Variants in MTIF2 observed in about 807,000 individuals in gnomAD.
MTIF2 encodes the protein mitochondrial translational initiation factor 2.
MTIF2 carries 71 observed loss-of-function variants against 83.5 expected under a neutral mutation model. That is an observed-to-expected ratio of 0.85 (90% CI 0.70 to 1.04). The LOEUF (loss-of-function observed/expected upper bound fraction) is 1.04. Among genes scored for constraint, MTIF2 ranks in the 50% least tolerant of loss-of-function variants. The probability of loss-of-function intolerance (pLI) is 0.00; values close to 1 mark genes in which losing one functional copy is unlikely to be tolerated. For missense variants in MTIF2, 957 were observed against 846.5 expected, an observed-to-expected ratio of 1.13 and a Z score of -1.62; for synonymous variants, 319 against 287.1, an observed-to-expected ratio of 1.11 and a Z score of -1.12.
intron 10 of MTIF2, among the ~76,000 whole-genome samples, chr2:55,245,195 C>T (rs767878966): frequency 6.6e-6 from 1 of 152,078 alleles, no homozygotes; most frequent in Non-Finnish European, 1.5e-5. Context: ...TGATTCCACT[C>T]ATATGAAGTA....
chr2:55,237,465 A>G (rs1675933012), intron 14 of MTIF2, 37 bp from the exon 15 acceptor site: 7 of 1,545,618 alleles, frequency 4.5e-6, no homozygotes, highest in Non-Finnish European at 6.1e-6. Context: ...GCAGAAAACT[A>G]AAGATTCTGA....
intron 8 of MTIF2, 122 bp downstream of exon 8, chr2:55,252,355 G>T (rs1381918661): frequency 1.2e-6 from 1 of 814,240 alleles, no homozygotes. Context: ...TTATCTTTGA[G>T]GCTTATCTGT....
At chr2:55,251,915 C>G (rs180993629) in intron 8 of MTIF2, among the ~76,000 whole-genome samples, 1 of 152,174 alleles carries the variant, frequency 6.6e-6, no homozygotes, top group Non-Finnish European at 1.5e-5. Context: ...TGTGAGCCCC[C>G]ACTCCCAGCC....
At chr2:55,268,356 G>C (rs1678591386) in intron 2 of MTIF2, among the ~76,000 whole-genome samples, 2 of 152,148 alleles carry the variant, frequency 1.3e-5, no homozygotes, top group Admixed American at 6.5e-5. Context: ...TTGTGCCCCT[G>C]GACCAAGAAG....
At chr2:55,242,093 G>C (rs1676359177) in intron 13 of MTIF2, among the ~76,000 whole-genome samples, 1 of 149,030 alleles carries the variant, frequency 6.7e-6, no homozygotes, top group East Asian at 2.0e-4. Flanking sequence ...AGTGAGCCGA[G>C]ACCGTGCCAC....
chr2:55,257,210 T>C (rs1409584843), intron 5 of MTIF2, among the ~76,000 whole-genome samples: 1 of 152,178 alleles, frequency 6.6e-6, no homozygotes, highest in Non-Finnish European at 1.5e-5. Flanking sequence ...CCGGGTGCGG[T>C]GGCTCACACC....
intron 13 of MTIF2, 69 bp downstream of exon 13, chr2:55,242,869 CAA>C (rs1358510277): frequency 6.7e-6 from 10 of 1,493,236 alleles, no homozygotes; most frequent in Non-Finnish European, 9.0e-6. Context: ...AGCCAAGCAA[CAA>C]AAGACAGAAG....
At chr2:55,249,681 G>A (rs1676953794) in intron 8 of MTIF2, 147 bp from the exon 9 acceptor site, 1 of 797,004 alleles carries the variant, frequency 1.3e-6, no homozygotes, top group African/African-American at 1.7e-5. Flanking sequence ...ACCCACTTTA[G>A]AGTCACATCA....
intron 15 of MTIF2, 38 bp downstream of exon 15, chr2:55,237,250 C>A: frequency 6.3e-7 from 1 of 1,584,020 alleles, no homozygotes. Context: ...GTCTTGGTGA[C>A]TGGATATGCT....
At chr2:55,254,340 C>G in intron 6 of MTIF2, 139 bp from the exon 7 acceptor site, 2 of 875,732 alleles carry the variant, frequency 2.3e-6, no homozygotes, top group Non-Finnish European at 3.1e-6. Context: ...CTATTTCCCC[C>G]TCCTATACAT....
chr2:55,261,443 TAAAAA>T (rs879893110), intron 5 of MTIF2, among the ~76,000 whole-genome samples: 2 of 138,362 alleles, frequency 1.4e-5, no homozygotes, highest in Non-Finnish European at 3.2e-5. Flanking sequence ...CCGTCTCTAC[TAAAAA>T]AAAAAAAAAT....
intron 7 of MTIF2, among the ~76,000 whole-genome samples, chr2:55,252,898 A>C (rs938818406): frequency 6.6e-6 from 1 of 152,212 alleles, no homozygotes; most frequent in African/African-American, 2.4e-5. Context: ...TCTAGAACAT[A>C]ACTACTTTCA....
chr2:55,262,533 TTTTTTTTC>T, intron 4 of MTIF2, 106 bp from the exon 5 acceptor site: 2 of 455,512 alleles, frequency 4.4e-6, no homozygotes, highest in Non-Finnish European at 7.4e-6. Flanking sequence ...ATTTCTTTCT[TTTTTTTTC>T]TTTTTTTTTT....
intron 14 of MTIF2, among the ~76,000 whole-genome samples, chr2:55,237,649 C>CTTTTTTTTTTTTTTTTTTTTTTTTTTTT (rs536036933): frequency 8.9e-6 from 1 of 112,992 alleles, no homozygotes; most frequent in Non-Finnish European, 1.7e-5. Flanking sequence ...TTCTTTTTTT[C>CTTTTTTTTTTTTTTTTTTTTTTTTTTTT]TTTTTTTTTT....
intron 12 of MTIF2, 136 bp from the exon 13 acceptor site, chr2:55,243,216 T>G: frequency 1.9e-6 from 2 of 1,048,006 alleles, no homozygotes; most frequent in Non-Finnish European, 2.7e-6. Context: ...GGCTTAGCAT[T>G]ACACATATCT....
intron 13 of MTIF2, among the ~76,000 whole-genome samples, chr2:55,241,702 G>C (rs529901692): frequency 1.3e-5 from 2 of 152,016 alleles, no homozygotes; most frequent in Non-Finnish European, 2.9e-5. Context: ...AATTAGCCAG[G>C]TGTGGTCGTG....
chr2:55,262,315 C>T lies in MTIF2; in HGVS notation c.331+1G>A, dbSNP rs752487550. On this transcript the variant is annotated splice_donor_variant, in intron 5 of 15. Coordinates refer to ENST00000263629, the MANE Select transcript of MTIF2 (RefSeq NM_002453.3). LOFTEE classifies it high-confidence loss of function. ...TTGCTTTGTAAAAATATCTGACTCA[C>T]CTGTGTTTTTTTCCATTGCCCTGGC... 3 of 1,599,670 alleles carry T rather than the reference C, an allele frequency of 1.9e-6. No homozygotes were observed. Among genetic ancestry groups the T allele is most frequent in the Non-Finnish European group, 2.6e-6 (3 of 1,168,268 alleles).
In MTIF2 at chr2:55,252,553, G is replaced by T; in HGVS notation, c.765C>A (p.Val255=). 1 of 1,614,024 alleles carries T rather than the reference G, an allele frequency of 6.2e-7. No individual in the cohort carries two copies. Among genetic ancestry groups the T allele is most frequent in the South Asian group, 1.1e-5 (1 of 91,072 alleles). ...CATCATCTGCAGCTACAACCAATAC[G>T]ACAATGTCAGTGACCTGAGCACCTC... is the stretch of plus-strand genomic sequence containing the variant. ...RARGAQVTDI[V]VLVVAADDGV... The change falls in exon 8 of 16, where the codon GTC becomes GTA. Residue 255 remains valine, a synonymous_variant. Coordinates refer to ENST00000263629, the MANE Select transcript of MTIF2 (RefSeq NM_002453.3).
chr2:55,252,684 G>C, intron 7 of MTIF2, 31 bp from the exon 8 acceptor site: 1 of 1,562,332 alleles, frequency 6.4e-7, no homozygotes, highest in Non-Finnish European at 8.8e-7. Context: ...GAACATCAAG[G>C]ATTCAAACAT....
Sources: allele counts gnomAD v4.1 joint callset (sites outside exome capture counted in the v4.1 genomes callset), GRCh38; gene constraint gnomAD v4.1.1; transcripts MANE v1.5; gene names NCBI Gene and HGNC (gene_info 2026-07-23, HGNC 2026-07-21).